The following WWP1 variants were observed in gnomAD, a reference collection of about 807,000 sequenced individuals.
The protein encoded by WWP1 is WW domain containing E3 ubiquitin protein ligase 1, also known as NEDD4-like E3 ubiquitin-protein ligase WWP1.
In WWP1, 49 loss-of-function variants were observed where a neutral mutation model predicts 130.6. That is an observed-to-expected ratio of 0.38 (90% confidence interval 0.30 to 0.48). The LOEUF (loss-of-function observed/expected upper bound fraction) is 0.48, where lower values mean the gene tolerates loss of function less well. Among genes scored for constraint, WWP1 ranks in the 20% least tolerant of loss-of-function variants. WWP1 has a pLI of 0.99. For missense variants in WWP1, 809 were observed against 1,100.6 expected, an observed-to-expected ratio of 0.74 and a Z score of 3.75; for synonymous variants, 332 against 367.8, an observed-to-expected ratio of 0.90 and a Z score of 1.11.
At chr8:86,437,892 C>T (rs201900700) in intron 16 of WWP1, among the ~76,000 whole-genome samples, 11 of 152,278 alleles carry the variant, frequency 7.2e-5, no homozygotes, top group Middle Eastern at 3.4e-3. Flanking sequence ...CTCCACCTCC[C>T]GGGTTCACAC....
intron 1 of WWP1, among the ~76,000 whole-genome samples, chr8:86,364,833 A>AAGAAAGAGAGAG (rs1491179112): frequency 7.0e-5 from 8 of 113,742 alleles, no homozygotes; most frequent in Admixed American, 2.6e-4. Context: ...GAAAGAAAGA[A>AAGAAAGAGAGAG]AGAGAGAGAG....
At chr8:86,379,575 T>C (rs1176074999) in intron 3 of WWP1, among the ~76,000 whole-genome samples, 1 of 152,180 alleles carries the variant, frequency 6.6e-6, no homozygotes, top group African/African-American at 2.4e-5. Flanking sequence ...TACTGCCTGT[T>C]CATCAGTATT....
At chr8:86,452,518 C>T in intron 20 of WWP1, 41 bp from the exon 21 acceptor site, 1 of 1,532,898 alleles carries the variant, frequency 6.5e-7, no homozygotes, top group Non-Finnish European at 8.9e-7. Context: ...TTTTACTTCA[C>T]ATATAAATTA....
rs566074318 is a variant in WWP1, at chr8:86,465,603, C to A, written c.2670-1191C>A. Reference sequence around the variant, plus strand: ...AGCCGAGACAGTAGCCTAGGCGACACAGCCAGACCCTGTCTCCAAATAAAT... The same window carrying A: ...AGCCGAGACAGTAGCCTAGGCGACAAAGCCAGACCCTGTCTCCAAATAAAT... On this transcript the variant is annotated intron_variant, in intron 24 of 24. Transcript: ENST00000517970. Among the ~76,000 whole-genome samples the A allele has an allele frequency of 6.4e-4, 97 of 152,224 alleles. 1 individual carries two copies. Among genetic ancestry groups the A allele is most frequent in the South Asian group, 2.5e-3 (12 of 4,820 alleles).
chr8:86,447,119 C>T lies in WWP1; in HGVS notation c.1999-1029C>T, dbSNP rs979114158. Among the ~76,000 whole-genome samples the T allele has an allele frequency of 6.6e-5, 10 of 152,146 alleles. No individual in the cohort carries two copies. The South Asian group carries it at 1.9e-3, about 28-fold the overall frequency. On this transcript the variant is annotated intron_variant, in intron 18 of 24. Coordinates refer to ENST00000517970, the MANE Select transcript of WWP1 (RefSeq NM_007013.4). ...CAGACCAGTGATGAAATACAACTGT[C>T]GGTCATAGAGCAGTCAGCTTGGTTG...
rs146483796 is a variant in WWP1 at position 86,462,376 on chromosome 8, C to A, written c.2669+530C>A. ...CAGAAATGCTGAAGTAAACAAAGAC[C>A]CCGAAGAAATTGTTTTTCAAGGAAA... On this transcript the variant is annotated intron_variant, in intron 24 of 24. Coordinates refer to ENST00000517970, the MANE Select transcript of WWP1 (RefSeq NM_007013.4). 2.0e-5 allele frequency among the ~76,000 whole-genome samples: 3 copies of A among 151,992 alleles called. No homozygotes were observed. The East Asian group carries it at 5.8e-4, about 29-fold the overall frequency.
intron 2 of WWP1, among the ~76,000 whole-genome samples, chr8:86,369,705 A>G (rs1245668212): frequency 1.3e-5 from 2 of 152,138 alleles, no homozygotes; most frequent in Non-Finnish European, 2.9e-5. Context: ...CTACCTCCAT[A>G]TGAATCAATA....
intron 1 of WWP1, among the ~76,000 whole-genome samples, chr8:86,351,811 A>G (rs55671538): frequency 0.15 from 22,358 of 152,166 alleles, 1,794 homozygotes; most frequent in Non-Finnish European, 0.19. Context: ...CAATCCTTAT[A>G]TAACAGTCGT....
chr8:86,442,611 T>C lies in WWP1; in HGVS notation c.1839-8T>C. 2.5e-6 allele frequency: 4 copies of C among 1,583,514 alleles called. No individual in the cohort carries two copies. Among genetic ancestry groups the C allele is most frequent in the Non-Finnish European group, 3.4e-6 (4 of 1,167,828 alleles). On this transcript the variant is annotated splice_polypyrimidine_tract_variant and splice_region_variant and intron_variant, in intron 17 of 24. Coordinates refer to ENST00000517970, the MANE Select transcript of WWP1 (RefSeq NM_007013.4). ...GCTAAAAAATAACCTTGACTTATTT[T>C]CTTATAGAGAATGGTTTTTCTTGCT...
intron 22 of WWP1, among the ~76,000 whole-genome samples, chr8:86,459,644 G>A (rs929040566): frequency 2.0e-5 from 3 of 152,136 alleles, no homozygotes; most frequent in African/African-American, 4.8e-5. Context: ...TACATAAATA[G>A]GAAGGAATAA....
chr8:86,345,584 AT>A lies in WWP1; in HGVS notation c.-115+2664del, dbSNP rs1035348056. On this transcript the variant is annotated intron_variant, in intron 1 of 24. Coordinates refer to ENST00000517970, the MANE Select transcript of WWP1 (RefSeq NM_007013.4). Reference sequence around the variant, plus strand: ...GCCACCACACCCGGCTAATTTTTGTATTTTTTTTTTAGAGATGGGGTCTCAC... The same window carrying A: ...GCCACCACACCCGGCTAATTTTTGTATTTTTTTTTAGAGATGGGGTCTCAC... Among the ~76,000 whole-genome samples the A allele has an allele frequency of 6.1e-5, 9 of 147,564 alleles. No individual in the cohort carries two copies. The East Asian group carries it at 7.9e-4, about 13-fold the overall frequency.
intron 17 of WWP1, among the ~76,000 whole-genome samples, chr8:86,441,276 A>G (rs950964917): frequency 6.6e-6 from 1 of 152,212 alleles, no homozygotes; most frequent in Non-Finnish European, 1.5e-5. Context: ...CAGCCTCATC[A>G]TAGAGGGAAG....
rs1401678383 is a variant in WWP1, at chr8:86,371,413, A to G, written c.-22+2382A>G. ...TGTTTAGCTTTAAATGATAATGCCA[A>G]ATTATTTTCCAACAGGATTTTGCCA... On this transcript the variant is annotated intron_variant, in intron 2 of 24. Coordinates refer to ENST00000517970, the MANE Select transcript of WWP1 (RefSeq NM_007013.4). Among the ~76,000 whole-genome samples, 3 of 152,206 alleles carry G rather than the reference A, an allele frequency of 2.0e-5. No individual in the cohort carries two copies. The East Asian group carries it at 5.8e-4, about 29-fold the overall frequency.
intron 14 of WWP1, among the ~76,000 whole-genome samples, chr8:86,433,203 C>T (rs909243323): frequency 2.0e-5 from 3 of 146,984 alleles, no homozygotes; most frequent in Admixed American, 6.8e-5. Flanking sequence ...TTTATTTTGT[C>T]GAGTCCTCCT....
intron 18 of WWP1, 64 bp downstream of exon 18, chr8:86,442,842 A>C: frequency 1.8e-5 from 1 of 56,134 alleles, no homozygotes. Flanking sequence ...GAAGGCTTTT[A>C]AAAAAAAAAA....
Position 86,402,036 on chromosome 8 carries a change from C to A in WWP1, c.557C>A (p.Thr186Lys). The change falls in exon 8 of 25, where the codon ACG becomes AAG. Residue 186 changes from threonine to lysine, a missense_variant. Around this residue, in one of 3 missense-constraint regions of WWP1, gnomAD observed 262 missense variants for 346.0 expected, o/e 0.76. Coordinates refer to ENST00000517970, the MANE Select transcript of WWP1 (RefSeq NM_007013.4). ...RTTARLAVEG[T>K]NGIDNHVPTS... ...TTTTCAAGGTTGGCTGTTGAAGGCACGAATGGAATAGATAATCATGTACCT... is the reference window on the plus strand; with the variant it reads ...TTTTCAAGGTTGGCTGTTGAAGGCAAGAATGGAATAGATAATCATGTACCT... The A allele has an allele frequency of 6.4e-7, 1 of 1,571,600 alleles. No homozygotes were observed. The highest frequency in any genetic ancestry group is 2.4e-5 in the East Asian group (1 of 42,434).
chr8:86,365,893 A>G (rs1198608401), intron 1 of WWP1, among the ~76,000 whole-genome samples: 2 of 152,228 alleles, frequency 1.3e-5, no homozygotes, highest in Non-Finnish European at 2.9e-5. Context: ...GAAGGGAGAG[A>G]GAAAGGCACA....
At chr8:86,435,410 C>A in intron 14 of WWP1, 42 bp from the exon 15 acceptor site, 3 of 1,590,062 alleles carry the variant, frequency 1.9e-6, no homozygotes, top group Non-Finnish European at 2.6e-6. Flanking sequence ...AAATATTCAA[C>A]TTTATTATGA....
intron 9 of WWP1, among the ~76,000 whole-genome samples, chr8:86,420,376 A>ATTTTTC (rs1279626361): frequency 6.6e-6 from 1 of 152,218 alleles, no homozygotes; most frequent in Non-Finnish European, 1.5e-5. Flanking sequence ...TTTCTAGCTA[A>ATTTTTC]TAGTATTTTT....
Sources: allele counts gnomAD v4.1 joint callset (sites outside exome capture counted in the v4.1 genomes callset), GRCh38; gene constraint gnomAD v4.1.1; regional missense constraint gnomAD v4.1.1; transcripts MANE v1.5; gene names NCBI Gene and HGNC (gene_info 2026-07-23, HGNC 2026-07-21).